The following FSTL4 variants were observed in gnomAD, a reference collection of about 807,000 sequenced individuals.
FSTL4 encodes follistatin like 4.
FSTL4 carries 28 observed loss-of-function variants against 78.2 expected under a neutral mutation model. The observed-to-expected ratio is 0.36, with a 90% confidence interval of 0.27 to 0.49. The LOEUF (loss-of-function observed/expected upper bound fraction) is 0.49. Among genes scored for constraint, FSTL4 ranks in the 20% least tolerant of loss-of-function variants. The pLI is 0.98. For missense variants in FSTL4, 922 were observed against 1,084.9 expected (o/e 0.85, Z 2.11); for synonymous variants, 422 against 440.5 (o/e 0.96, Z 0.53).
the FSTL4 span, among the ~76,000 whole-genome samples, chr5:133,797,485 C>T: frequency 6.6e-6 from 1 of 152,336 alleles, no homozygotes; most frequent in African/African-American, 2.4e-5. Context: ...AGGCTCTGTT[C>T]CATCTGTCTT....
chr5:133,740,913 GGA>G, the FSTL4 span, among the ~76,000 whole-genome samples: 2 of 151,814 alleles, frequency 1.3e-5, no homozygotes, highest in Admixed American at 1.3e-4. Context: ...TCCTTTTATG[GGA>G]GAGTTTGAAG....
chr5:133,578,392 G>A (rs945285121), intron 2 of FSTL4, among the ~76,000 whole-genome samples: 2 of 152,196 alleles, frequency 1.3e-5, no homozygotes, highest in African/African-American at 4.8e-5. Context: ...TCTGTAAAAC[G>A]GGCAGACCCG....
chr5:133,743,814 G>C, the FSTL4 span, among the ~76,000 whole-genome samples: 8 of 152,120 alleles, frequency 5.3e-5, no homozygotes, highest in Non-Finnish European at 1.2e-4. Context: ...ATTTCCATTT[G>C]GTTCCCATAC....
intron 4 of FSTL4, among the ~76,000 whole-genome samples, chr5:133,376,933 G>C (rs777964084): frequency 4.6e-5 from 7 of 150,836 alleles, no homozygotes; most frequent in Non-Finnish European, 8.8e-5. Context: ...AGTAAAAACA[G>C]CAAGAGTCTT....
intron 13 of FSTL4, among the ~76,000 whole-genome samples, chr5:133,212,169 T>C (rs1407823434): frequency 6.6e-6 from 1 of 152,222 alleles, no homozygotes; most frequent in Non-Finnish European, 1.5e-5. Flanking sequence ...CCATCAGTAA[T>C]GATACCATCT....
chr5:133,766,607 C>T, the FSTL4 span, among the ~76,000 whole-genome samples: 1 of 152,166 alleles, frequency 6.6e-6, no homozygotes, highest in Non-Finnish European at 1.5e-5. Context: ...GGGTACTGTG[C>T]TACTGAGGCT....
At chr5:133,421,864 C>T (rs1354507501) in intron 3 of FSTL4, among the ~76,000 whole-genome samples, 1 of 152,126 alleles carries the variant, frequency 6.6e-6, no homozygotes, top group Non-Finnish European at 1.5e-5. Context: ...TACAAAAATC[C>T]CTGCCTTTAT....
Position 133,226,680 on chromosome 5 carries a change from C to T in FSTL4, c.1016-861G>A, listed in dbSNP as rs184919939. On this transcript the variant is annotated intron_variant, in intron 8 of 15. Coordinates refer to ENST00000265342, the MANE Select transcript of FSTL4 (RefSeq NM_015082.2). Reference sequence around the variant, plus strand: ...GATGTAAACATACCTGCATATTAAACTAAACTAAACACACTGTCCCTGGAG... The same window carrying T: ...GATGTAAACATACCTGCATATTAAATTAAACTAAACACACTGTCCCTGGAG... Among the ~76,000 whole-genome samples, 22 of 152,348 alleles carry T rather than the reference C, an allele frequency of 1.4e-4. No homozygotes were observed. In the East Asian group the frequency reaches 4.0e-3, roughly 28 times the overall value.
chr5:133,312,103 A>G (rs912141299), intron 6 of FSTL4, among the ~76,000 whole-genome samples: 1 of 152,098 alleles, frequency 6.6e-6, no homozygotes, highest in Non-Finnish European at 1.5e-5. Flanking sequence ...CACTCTTTGG[A>G]GGGGCACTCA....
At chr5:133,221,933 G>A in intron 11 of FSTL4, among the ~76,000 whole-genome samples, 1 of 50,376 alleles carries the variant, frequency 2.0e-5, no homozygotes, top group African/African-American at 6.8e-5. Flanking sequence ...TTTTTAGCAT[G>A]CTGAGAAAAC....
At chr5:133,671,749 CAAAG>C in the FSTL4 span, among the ~76,000 whole-genome samples, 2 of 152,052 alleles carry the variant, frequency 1.3e-5, no homozygotes, top group African/African-American at 4.8e-5. Flanking sequence ...CAGAGGAAAA[CAAAG>C]GAAGGAGGAA....
chr5:133,537,060 A>T (rs924279250), intron 3 of FSTL4, among the ~76,000 whole-genome samples: 3 of 152,172 alleles, frequency 2.0e-5, no homozygotes, highest in African/African-American at 7.2e-5. Context: ...TTCCCAAAAG[A>T]GTTGCACAAG....
At chr5:133,423,513 G>C (rs1756742128) in intron 3 of FSTL4, among the ~76,000 whole-genome samples, 1 of 152,198 alleles carries the variant, frequency 6.6e-6, no homozygotes, top group South Asian at 2.1e-4. Context: ...TATGTGAGGA[G>C]TTAGCCCCTG....
intron 7 of FSTL4, among the ~76,000 whole-genome samples, chr5:133,239,966 G>A (rs1751784523): frequency 6.6e-6 from 1 of 152,242 alleles, no homozygotes; most frequent in Non-Finnish European, 1.5e-5. Context: ...GAGAATAAAA[G>A]CAGACCTCCG....
the FSTL4 span, among the ~76,000 whole-genome samples, chr5:133,730,955 T>G: frequency 6.6e-6 from 1 of 152,174 alleles, no homozygotes; most frequent in African/African-American, 2.4e-5. Flanking sequence ...CCCTGGGGAA[T>G]GGATGCAGAC....
chr5:133,284,706 C>A (rs187615494), intron 6 of FSTL4, among the ~76,000 whole-genome samples: 4 of 152,298 alleles, frequency 2.6e-5, no homozygotes, highest in African/African-American at 4.8e-5. Context: ...TTGGATGAAC[C>A]CCCACAGGCC....
chr5:133,492,646 T>C (rs1758289697), intron 3 of FSTL4, among the ~76,000 whole-genome samples: 2 of 152,210 alleles, frequency 1.3e-5, no homozygotes, highest in African/African-American at 2.4e-5. Context: ...CTGCAGATCA[T>C]TGTAACATAA....
chr5:133,638,916 T>G, the FSTL4 span, among the ~76,000 whole-genome samples: 1 of 70,610 alleles, frequency 1.4e-5, no homozygotes, highest in Non-Finnish European at 2.7e-5. Flanking sequence ...TTGACATGTA[T>G]TTTAGGTTTT....
the FSTL4 span, among the ~76,000 whole-genome samples, chr5:133,754,078 G>A: frequency 2.6e-5 from 4 of 152,110 alleles, no homozygotes; most frequent in South Asian, 2.1e-4. Flanking sequence ...CCCATGTTCC[G>A]CCAACAGTGG....
Sources: allele counts gnomAD v4.1 joint callset (sites outside exome capture counted in the v4.1 genomes callset), GRCh38; gene constraint gnomAD v4.1.1; transcripts MANE v1.5; gene names NCBI Gene and HGNC (gene_info 2026-07-23, HGNC 2026-07-21).